Variants in SLC12A7 observed in about 807,000 individuals in gnomAD.
SLC12A7 encodes the protein K-Cl cotransporter 4.
A neutral mutation model predicts 120.6 loss-of-function variants in SLC12A7; 100 were observed. The observed-to-expected ratio is 0.83, with a 90% CI of 0.71 to 0.98. The LOEUF (loss-of-function observed/expected upper bound fraction) is 0.98. SLC12A7 is among the 50% of genes least tolerant of loss of function. SLC12A7 has a pLI of 0.00. For synonymous variants in SLC12A7, 760 were observed against 678.0 expected, an observed-to-expected ratio of 1.12 and a Z score of -1.88; for missense variants, 1,373 against 1,548.1, an observed-to-expected ratio of 0.89 and a Z score of 1.90.
At chr5:1,102,874 C>T (rs1742151601) in intron 1 of SLC12A7, among the ~76,000 whole-genome samples, 1 of 152,122 alleles carries the variant, frequency 6.6e-6, no homozygotes, top group South Asian at 2.1e-4. Flanking sequence ...CCAGGAGCAC[C>T]CCCCACCCAA....
intron 17 of SLC12A7, among the ~76,000 whole-genome samples, chr5:1,068,766 A>G (rs1436908188): frequency 6.6e-6 from 1 of 152,252 alleles, no homozygotes; most frequent in African/African-American, 2.4e-5. Context: ...CGTTAACGTG[A>G]GAGTATAAGT....
the SLC12A7 span, among the ~76,000 whole-genome samples, chr5:1,152,461 G>A: frequency 2.0e-5 from 3 of 152,238 alleles, no homozygotes; most frequent in Admixed American, 6.5e-5. Context: ...CAGCAGGACC[G>A]AGGGGGATGC....
At position 1,081,724 on chromosome 5, in the gene SLC12A7, C is replaced by A. The variant is rs190368642; in HGVS notation, c.1150G>T (p.Ala384Ser). 1 of 1,612,834 alleles carries A rather than the reference C, an allele frequency of 6.2e-7. No individual in the cohort carries two copies. The highest frequency in any genetic ancestry group is 8.5e-7 in the Non-Finnish European group (1 of 1,179,898). ...VFLENLWSTY[A>S]HAGAFVEKKG... ...TTCTCCACAAACGCCCCCGCGTGCG[C>A]GTACGTACTCCACAGGTTCTCTGCC... The change falls in exon 9 of 24, where the codon GCG (alanine) becomes TCG (serine). Residue 384 changes from alanine (A) to serine (S), a missense_variant. Coordinates refer to ENST00000264930, the MANE Select transcript of SLC12A7 (RefSeq NM_006598.3).
chr5:1,059,962 C>T (rs1736014249), intron 21 of SLC12A7, among the ~76,000 whole-genome samples: 2 of 152,204 alleles, frequency 1.3e-5, no homozygotes, highest in Non-Finnish European at 1.5e-5. Context: ...GCTCAGAAGC[C>T]GCTGACCCTG....
chr5:1,069,002 C>T (rs557903782), intron 17 of SLC12A7, among the ~76,000 whole-genome samples: 4 of 152,332 alleles, frequency 2.6e-5, no homozygotes, highest in Non-Finnish European at 2.9e-5. Flanking sequence ...ATAAGGAACA[C>T]GGAAAGGGAC....
chr5:1,054,842 ATGGG>A (rs1468433765), intron 22 of SLC12A7, among the ~76,000 whole-genome samples: 1 of 152,194 alleles, frequency 6.6e-6, no homozygotes, highest in Admixed American at 6.5e-5. Context: ...CTAATTACAG[ATGGG>A]GTCTCTGTCC....
intron 18 of SLC12A7, 107 bp from the exon 19 acceptor site, chr5:1,064,359 G>T (rs1423998833): frequency 1.5e-6 from 2 of 1,338,454 alleles, no homozygotes; most frequent in Non-Finnish European, 2.0e-6. Flanking sequence ...AGGCGAGGGG[G>T]GTCCCCACAA....
chr5:1,138,054 A>C, the SLC12A7 span, among the ~76,000 whole-genome samples: 1 of 152,220 alleles, frequency 6.6e-6, no homozygotes, highest in African/African-American at 2.4e-5. Context: ...CGCTGTGTCC[A>C]GAGTTGGTTC....
chr5:1,073,608 G>C (rs770056389), intron 17 of SLC12A7, 25 bp downstream of exon 17: 1 of 1,583,502 alleles, frequency 6.3e-7, no homozygotes. Flanking sequence ...AAAGAGGCCT[G>C]GCCCCCAGAC....
intron 11 of SLC12A7, 45 bp downstream of exon 11, chr5:1,078,656 T>C (rs1325619914): frequency 1.3e-6 from 2 of 1,519,706 alleles, no homozygotes; most frequent in Non-Finnish European, 1.8e-6. Context: ...AGGAAAACCC[T>C]TGAAGACTAC....
the SLC12A7 span, among the ~76,000 whole-genome samples, chr5:1,136,340 G>A: frequency 4.6e-3 from 691 of 150,602 alleles, 12 homozygotes; most frequent in African/African-American, 0.016. Context: ...ACCAGGACAC[G>A]CAGGCACACA....
At chr5:1,083,327 C>T (rs1739426386) in intron 8 of SLC12A7, among the ~76,000 whole-genome samples, 1 of 152,196 alleles carries the variant, frequency 6.6e-6, no homozygotes, top group African/African-American at 2.4e-5. Flanking sequence ...TGGAGCAGGT[C>T]TCGTGTACCC....
intron 10 of SLC12A7, 47 bp from the exon 11 acceptor site, chr5:1,078,805 C>A: frequency 3.2e-6 from 1 of 312,324 alleles, no homozygotes; most frequent in Non-Finnish European, 5.4e-6. Flanking sequence ...GCAGGGTCCT[C>A]AGGTACGGGG....
chr5:1,084,058 G>A, intron 7 of SLC12A7, 102 bp from the exon 8 acceptor site: 1 of 949,868 alleles, frequency 1.1e-6, no homozygotes, highest in East Asian at 2.6e-5. Flanking sequence ...GCCCGCGAGT[G>A]GCTCCTGGCA....
chr5:1,094,074 G>T, intron 2 of SLC12A7, 80 bp downstream of exon 2: 1 of 1,170,190 alleles, frequency 8.5e-7, no homozygotes, highest in Non-Finnish European at 1.3e-6. Flanking sequence ...GCCCCGGCCT[G>T]GGGGCCCCCA....
At chr5:1,061,232 GTACCTGCCGCATCCGCCA>G (rs1264435170) in intron 20 of SLC12A7, among the ~76,000 whole-genome samples, 254 of 11,948 alleles carry the variant, frequency 0.021, 86 homozygotes, top group African/African-American at 0.023. Context: ...CGCACCCGCC[GTACCTGCCGCATCCGCCA>G]TGCGGAACCC....
chr5:1,149,474 G>T, the SLC12A7 span, among the ~76,000 whole-genome samples: 3 of 152,346 alleles, frequency 2.0e-5, no homozygotes, highest in South Asian at 2.1e-4. Flanking sequence ...CTACTCTGGA[G>T]GCTGAGGCAA....
At chr5:1,118,902 A>G in the SLC12A7 span, among the ~76,000 whole-genome samples, 12 of 152,208 alleles carry the variant, frequency 7.9e-5, no homozygotes, top group Non-Finnish European at 1.8e-4. Flanking sequence ...CGGGAGAGGC[A>G]GAGCTGGCGC....
At chr5:1,148,361 C>T in the SLC12A7 span, among the ~76,000 whole-genome samples, 1 of 151,944 alleles carries the variant, frequency 6.6e-6, no homozygotes, top group Non-Finnish European at 1.5e-5. Context: ...CGCCCACCAC[C>T]ACGCCCGGCT....
Sources: allele counts gnomAD v4.1 joint callset (sites outside exome capture counted in the v4.1 genomes callset), GRCh38; gene constraint gnomAD v4.1.1; transcripts MANE v1.5; gene names NCBI Gene and HGNC (gene_info 2026-07-23, HGNC 2026-07-21).